Variants in NOB1 observed in about 807,000 individuals in gnomAD.
NOB1 encodes the protein NIN1 (RPN12) binding protein 1 homolog, also known as RNA-binding protein NOB1.
In NOB1, 44 loss-of-function variants were observed where a neutral mutation model predicts 44.8. The observed-to-expected ratio is 0.98, with a 90% confidence interval of 0.77 to 1.26. NOB1 has a LOEUF of 1.26. NOB1 is among the 50% of genes most tolerant of loss of function. The pLI is 0.00. For synonymous variants in NOB1, 238 were observed against 218.7 expected (o/e 1.09, Z -0.78); for missense variants, 560 against 544.8 (o/e 1.03, Z -0.28).
chr16:69,754,453 C>T, intron 2 of NOB1, 141 bp downstream of exon 2: 1 of 1,193,456 alleles, frequency 8.4e-7, no homozygotes, highest in Non-Finnish European at 1.2e-6. Context: ...GGAAGCCTCT[C>T]TCCTACCACA....
chr16:69,746,755 A>C (rs2038434651), intron 7 of NOB1, among the ~76,000 whole-genome samples: 1 of 151,960 alleles, frequency 6.6e-6, no homozygotes, highest in Non-Finnish European at 1.5e-5. Flanking sequence ...AAAATACAAA[A>C]AGTTAGCCAG....
rs1156979781 is a variant in NOB1, at chr16:69,748,319, A to G, written c.737T>C (p.Leu246Pro). The change falls in exon 7 of 9, where the codon CTG (leucine) becomes CCG (proline). Residue 246 changes from leucine to proline, a missense_variant. By Grantham distance (98) the Leu-to-Pro change is moderately conservative. Transcript: ENST00000268802. ...CGCCAGCACGTGCAGCCCCATCTGC[A>G]GCAGAACATTCTACAACCACAAGTT... The part of the protein sequence containing the change: ...TTDFAMQNVL[L>P]QMGLHVLAVN... 2.5e-6 allele frequency: 4 copies of G among 1,613,474 alleles called. No individual in the cohort carries two copies. Among genetic ancestry groups the G allele is most frequent in the Non-Finnish European group, 3.4e-6 (4 of 1,179,654 alleles).
At chr16:69,743,849 G>A (rs576883974) in intron 8 of NOB1, among the ~76,000 whole-genome samples, 10 of 152,196 alleles carry the variant, frequency 6.6e-5, no homozygotes, top group South Asian at 4.1e-4. Flanking sequence ...GTATCGCAGC[G>A]ATGCTGATTT....
At chr16:69,752,078 T>G (rs1425373454) in intron 3 of NOB1, among the ~76,000 whole-genome samples, 163 bp downstream of exon 3, 5 of 150,996 alleles carry the variant, frequency 3.3e-5, no homozygotes, top group Admixed American at 2.0e-4. Context: ...AAAAAAAAAG[T>G]ACTCAGGGCT....
In NOB1 at chr16:69,751,249, G is replaced by A. The variant is rs199995718; in HGVS notation, c.327+992C>T. The stretch of plus-strand genomic sequence containing the variant: ...TCTCAAATGCCTAGGTTCAAGTAAT[G>A]CTCCTGCCTTGGCCTCCCAAAGCCC... On this transcript the variant is annotated intron_variant, in intron 3 of 8. Transcript: ENST00000268802. 3.9e-5 allele frequency among the ~76,000 whole-genome samples: 6 copies of A among 152,170 alleles called. No homozygotes were observed. In the East Asian group the frequency reaches 1.2e-3, roughly 29 times the overall value.
chr16:69,748,734 T>C (rs1418210733), intron 6 of NOB1, 184 bp downstream of exon 6: 1 of 593,520 alleles, frequency 1.7e-6, no homozygotes, highest in Non-Finnish European at 2.9e-6. Flanking sequence ...ACTATACAAA[T>C]GTTGTCATTA....
Position 69,748,078 on chromosome 16 carries a change from T to C in NOB1, c.824+154A>G, listed in dbSNP as rs188709733. Among the ~76,000 whole-genome samples, 579 of 152,180 alleles carry C rather than the reference T, an allele frequency of 3.8e-3. 4 individuals are homozygous for C. Among genetic ancestry groups the C allele is most frequent in the African/African-American group, 0.013 (538 of 41,530 alleles). ...TACTTGGGAGGTTGAGGCAGGAGAA[T>C]TGCTTGAACCCAGGAGGCAGAGGTT... On this transcript the variant is annotated intron_variant, in intron 7 of 8. Transcript: ENST00000268802.
At chr16:69,748,810 C>T in intron 6 of NOB1, 108 bp downstream of exon 6, 1 of 1,048,262 alleles carries the variant, frequency 9.5e-7, no homozygotes, top group Non-Finnish European at 1.3e-6. Flanking sequence ...GTTTCCAGAA[C>T]CAGGAAAAGA....
At chr16:69,751,968 G>A (rs1386601348) in intron 3 of NOB1, among the ~76,000 whole-genome samples, 2 of 152,088 alleles carry the variant, frequency 1.3e-5, no homozygotes, top group Non-Finnish European at 2.9e-5. Context: ...TCGAGACTGA[G>A]GCAAGAGAAT....
At chr16:69,752,120 A>T (rs2038487621) in intron 3 of NOB1, 121 bp downstream of exon 3, 4 of 880,498 alleles carry the variant, frequency 4.5e-6, no homozygotes, top group Non-Finnish European at 7.3e-6. Context: ...CAGACTAGCT[A>T]AGAGATAATT....
chr16:69,754,753 C>T, intron 1 of NOB1, 27 bp from the exon 2 acceptor site: 17 of 1,613,694 alleles, frequency 1.1e-5, no homozygotes, highest in East Asian at 2.2e-5. Flanking sequence ...CCAGCTCAGA[C>T]CCACCCGCAC....
chr16:69,749,234 A>G lies in NOB1; in HGVS notation c.504T>C (p.Asp168=), dbSNP rs763389274. The change falls in exon 5 of 9, where the codon GAT becomes GAC. Residue 168 remains aspartate, a synonymous_variant. Coordinates refer to ENST00000268802, the MANE Select transcript of NOB1 (RefSeq NM_014062.3). ...TCACCAGCAGCTCCTGCAGTTCATG[A>G]TCGATGTTGGGCAAAGGGTTTCTCC... ...MFWRNPLPNI[D]HELQELLIDR... is the part of the protein sequence containing the mutation. The G allele has an allele frequency of 1.2e-6, 2 of 1,613,414 alleles. No individual in the cohort carries two copies. Among genetic ancestry groups the G allele is most frequent in the South Asian group, 2.2e-5 (2 of 90,958 alleles).
chr16:69,754,841 C>T lies in NOB1; in HGVS notation c.63+7G>A. ...ATCTCTCTCGTCCCGGAGGGAGCTC[C>T]CCGTACCTGCAGAGCCGCATGCCGC... is the stretch of plus-strand genomic sequence containing the variant. On this transcript the variant is annotated splice_region_variant and intron_variant, in intron 1 of 8. Transcript: ENST00000268802. 8 of 1,603,540 alleles carry T rather than the reference C, an allele frequency of 5.0e-6. No individual in the cohort carries two copies. Among genetic ancestry groups the T allele is most frequent in the Non-Finnish European group, 6.0e-6 (7 of 1,176,002 alleles).
chr16:69,747,222 C>CAAAAAAA (rs35257586), intron 7 of NOB1, among the ~76,000 whole-genome samples: 1 of 78,612 alleles, frequency 1.3e-5, no homozygotes, highest in African/African-American at 5.3e-5. Flanking sequence ...ACCCTGTCTC[C>CAAAAAAA]AAAAAAAAAA....
chr16:69,752,488 A>C, intron 2 of NOB1, 117 bp from the exon 3 acceptor site: 3 of 1,054,174 alleles, frequency 2.8e-6, no homozygotes, highest in Non-Finnish European at 4.1e-6. Context: ...TATCAAAACA[A>C]TTTAGAAAGG....
At chr16:69,748,102 T>G (rs905079943) in intron 7 of NOB1, 130 bp downstream of exon 7, 8 of 608,292 alleles carry the variant, frequency 1.3e-5, no homozygotes, top group Non-Finnish European at 1.7e-5. Flanking sequence ...GAGGCAGAGG[T>G]TGCAGTGAGC....
chr16:69,742,592 G>T lies in NOB1; in HGVS notation c.979C>A (p.Pro327Thr), dbSNP rs780207082. Residue 327 changes from proline to threonine, a missense_variant, in exon 9 of 9, where the codon CCC becomes ACC. By Grantham distance (38) the Pro-to-Thr change is conservative (BLOSUM62 -1). Transcript: ENST00000268802. Reference sequence around the variant, plus strand: ...GCGTATTTGCCCCCTTTGGGAGTGGGAAGCGAGTACTGGAAATAAGACAAG... The same window carrying T: ...GCGTATTTGCCCCCTTTGGGAGTGGTAAGCGAGTACTGGAAATAAGACAAG... ...LNPRGLRYSL[P>T]TPKGGKYAIN... The T allele has an allele frequency of 6.2e-7, 1 of 1,614,080 alleles. No homozygotes were observed. Among genetic ancestry groups the T allele is most frequent in the Admixed American group, 1.7e-5 (1 of 59,998 alleles).
chr16:69,746,628 G>A (rs539615678), intron 7 of NOB1, among the ~76,000 whole-genome samples: 3 of 152,326 alleles, frequency 2.0e-5, no homozygotes, highest in East Asian at 3.9e-4. Context: ...TCATAGGGCC[G>A]GGTGTGGTGG....
Position 69,742,176 on chromosome 16 carries a change from G to T in NOB1, c.*156C>A. The T allele has an allele frequency of 1.1e-6, 1 of 944,216 alleles. No individual in the cohort carries two copies. Among genetic ancestry groups the T allele is most frequent in the Non-Finnish European group, 1.6e-6 (1 of 635,304 alleles). 58.5% of individuals were successfully genotyped at this position (944,216 alleles called of 1,614,324 possible). A position where few individuals can be genotyped will look rare whatever the true frequency, so the allele number is the denominator to read the frequency against. ...AGGCCATGGGACAGTCCAGTTCCCT[G>T]CAGACCCAGCGGGGCATGGGCGGAC... is the stretch of plus-strand genomic sequence containing the variant. On this transcript the variant is annotated 3_prime_UTR_variant, in exon 9 of 9. Coordinates refer to ENST00000268802, the MANE Select transcript of NOB1 (RefSeq NM_014062.3).
Sources: allele counts gnomAD v4.1 joint callset (sites outside exome capture counted in the v4.1 genomes callset), GRCh38; gene constraint gnomAD v4.1.1; transcripts MANE v1.5; gene names NCBI Gene and HGNC (gene_info 2026-07-23, HGNC 2026-07-21).